Variants in UXS1 observed in about 807,000 individuals in gnomAD.
UXS1 encodes the protein UDP-glucuronic acid decarboxylase 1.
UXS1 carries 33 observed loss-of-function variants against 62.6 expected under a neutral mutation model. That is an observed-to-expected ratio of 0.53 (90% confidence interval 0.40 to 0.70). UXS1 has a LOEUF of 0.70. Among genes scored for constraint, UXS1 ranks in the 30% least tolerant of loss-of-function variants. The pLI is 0.00. For synonymous variants in UXS1, 213 were observed against 206.8 expected (o/e 1.03, Z -0.26); for missense variants, 434 against 556.3 (o/e 0.78, Z 2.21).
intron 6 of UXS1, among the ~76,000 whole-genome samples, chr2:106,130,920 G>A (rs1363620663): frequency 1.3e-5 from 2 of 152,102 alleles, no homozygotes. Context: ...GGCCGAATAG[G>A]AACAGCTCCA....
intron 11 of UXS1, among the ~76,000 whole-genome samples, chr2:106,104,354 A>C (rs1165697026): frequency 6.6e-6 from 1 of 152,258 alleles, no homozygotes; most frequent in Admixed American, 6.5e-5. Flanking sequence ...ATTTAGTTTC[A>C]GCGTGAAATT....
chr2:106,175,818 T>A (rs1683842100), intron 1 of UXS1, among the ~76,000 whole-genome samples: 2 of 152,198 alleles, frequency 1.3e-5, no homozygotes, highest in African/African-American at 4.8e-5. Flanking sequence ...CATCCCCGTC[T>A]CAAATTCCTG....
chr2:106,098,679 A>C, intron 13 of UXS1, 37 bp downstream of exon 13: 2 of 1,556,262 alleles, frequency 1.3e-6, no homozygotes, highest in Non-Finnish European at 1.8e-6. Context: ...GGGCAGGCAC[A>C]GTCGATTTTA....
At chr2:106,182,731 T>C (rs1462312687) in intron 1 of UXS1, among the ~76,000 whole-genome samples, 2 of 145,176 alleles carry the variant, frequency 1.4e-5, no homozygotes, top group African/African-American at 5.2e-5. Flanking sequence ...GGAGAGAACA[T>C]CTCCCCTCTT....
chr2:106,108,512 T>C (rs571870836), intron 10 of UXS1, among the ~76,000 whole-genome samples: 1 of 152,170 alleles, frequency 6.6e-6, no homozygotes, highest in Non-Finnish European at 1.5e-5. Context: ...GGATCTGGTG[T>C]GGACAGCTGA....
At chr2:106,186,457 T>TAC (rs55995858) in intron 1 of UXS1, among the ~76,000 whole-genome samples, 129 of 148,802 alleles carry the variant, frequency 8.7e-4, no homozygotes, top group Middle Eastern at 3.5e-3. Flanking sequence ...TATATATATA[T>TAC]ACACACACAC....
intron 1 of UXS1, among the ~76,000 whole-genome samples, chr2:106,168,920 G>A (rs1470697550): frequency 2.0e-5 from 3 of 152,172 alleles, no homozygotes; most frequent in African/African-American, 7.2e-5. Flanking sequence ...CCAAAATACT[G>A]AGTTTAAATG....
intron 10 of UXS1, among the ~76,000 whole-genome samples, chr2:106,111,193 A>G (rs1573421936): frequency 6.6e-6 from 1 of 152,160 alleles, no homozygotes; most frequent in East Asian, 1.9e-4. Context: ...AGTGTAGACC[A>G]GGGACTGGAG....
chr2:106,157,773 T>A (rs1485366599), intron 5 of UXS1, among the ~76,000 whole-genome samples: 1 of 152,174 alleles, frequency 6.6e-6, no homozygotes, highest in African/African-American at 2.4e-5. Context: ...TCAGACGAAA[T>A]GTTCAAAAAA....
In UXS1 at chr2:106,152,223, G is replaced by A. The variant is rs918360415; in HGVS notation, c.291+5835C>T. On this transcript the variant is annotated intron_variant, in intron 5 of 14. Coordinates refer to ENST00000283148, the MANE Select transcript of UXS1 (RefSeq NM_001253875.2). ...AAAATTCACTTTGGGAGGCTGAGGTGGACAGATAGCCTGAGGTCAGGAGTT... is the reference window on the plus strand; with the variant it reads ...AAAATTCACTTTGGGAGGCTGAGGTAGACAGATAGCCTGAGGTCAGGAGTT... Among the ~76,000 whole-genome samples, 27 of 152,274 alleles carry A rather than the reference G, an allele frequency of 1.8e-4. 1 individual carries two copies. Among genetic ancestry groups the A allele is most frequent in the Admixed American group, 1.7e-3 (26 of 15,290 alleles).
At chr2:106,117,234 T>C (rs1383859606) in intron 9 of UXS1, among the ~76,000 whole-genome samples, 12 of 152,242 alleles carry the variant, frequency 7.9e-5, no homozygotes, top group Non-Finnish European at 1.5e-5. Flanking sequence ...GCTGCTGCGA[T>C]AGGCTCTGGC....
At chr2:106,110,766 C>T (rs1678523847) in intron 10 of UXS1, among the ~76,000 whole-genome samples, 1 of 152,142 alleles carries the variant, frequency 6.6e-6, no homozygotes, top group South Asian at 2.1e-4. Context: ...AAACAAAGTC[C>T]CTGGTTTTGA....
At chr2:106,126,630 T>C (rs1679978209) in intron 7 of UXS1, among the ~76,000 whole-genome samples, 2 of 152,186 alleles carry the variant, frequency 1.3e-5, no homozygotes, top group Non-Finnish European at 2.9e-5. Flanking sequence ...AGCTTCAAAA[T>C]GAAGGACTCT....
At chr2:106,160,685 G>T in intron 4 of UXS1, 1 of 152,118 alleles carries the variant, frequency 6.6e-6, no homozygotes, top group East Asian at 1.9e-4. Flanking sequence ...AAGAGGAAAC[G>T]GCCAAACCGT....
At chr2:106,193,688 G>A (rs1276276094) in intron 1 of UXS1, among the ~76,000 whole-genome samples, 1 of 152,236 alleles carries the variant, frequency 6.6e-6, no homozygotes, top group Non-Finnish European at 1.5e-5. Context: ...GGAGCAAACA[G>A]TCGGAGCGGG....
intron 7 of UXS1, among the ~76,000 whole-genome samples, chr2:106,126,796 T>A (rs1020579174): frequency 1.3e-5 from 2 of 152,196 alleles, no homozygotes; most frequent in East Asian, 3.8e-4. Flanking sequence ...ACATTGACAT[T>A]GATATGATCA....
chr2:106,194,103 G>T, intron 1 of UXS1, 45 bp downstream of exon 1: 1 of 1,409,614 alleles, frequency 7.1e-7, no homozygotes. Flanking sequence ...CCGCGGCGCC[G>T]GGGAATGAAT....
In UXS1 at chr2:106,166,039, T is replaced by C; in HGVS notation, c.122+17A>G. 6.2e-7 allele frequency: 1 copy of C among 1,609,792 alleles called. No homozygotes were observed. The highest frequency in any genetic ancestry group is 8.5e-7 in the Non-Finnish European group (1 of 1,178,252). On this transcript the variant is annotated intron_variant, in intron 2 of 14. Coordinates refer to ENST00000283148, the MANE Select transcript of UXS1 (RefSeq NM_001253875.2). ...ATAAAATCCAACCACAGTACCCAAGTAATTAAAAACAATTACCTCATATTA... is the reference window on the plus strand; with the variant it reads ...ATAAAATCCAACCACAGTACCCAAGCAATTAAAAACAATTACCTCATATTA...
At chr2:106,121,388 C>T (rs531848286) in intron 9 of UXS1, among the ~76,000 whole-genome samples, 6 of 152,272 alleles carry the variant, frequency 3.9e-5, no homozygotes, top group African/African-American at 1.4e-4. Context: ...CCCATTTGTC[C>T]ACCAGCTTTA....
Sources: allele counts gnomAD v4.1 joint callset (sites outside exome capture counted in the v4.1 genomes callset), GRCh38; gene constraint gnomAD v4.1.1; transcripts MANE v1.5; gene names NCBI Gene and HGNC (gene_info 2026-07-23, HGNC 2026-07-21).